The following PHF13 variants were observed in gnomAD, a reference collection of about 807,000 sequenced individuals.
PHF13 encodes the protein PHD finger protein 13.
PHF13 carries 1 observed loss-of-function variant against 25.8 expected under a neutral mutation model. The ratio of observed to expected loss-of-function variants is 0.04; its 90% CI spans 0.01 to 0.18. The LOEUF (loss-of-function observed/expected upper bound fraction) is 0.18, where lower values mean the gene tolerates loss of function less well. PHF13 is among the 10% of genes least tolerant of loss of function. PHF13 has a pLI of 1.00. For synonymous variants in PHF13, 195 were observed against 162.4 expected, an observed-to-expected ratio of 1.20 and a Z score of -1.53; for missense variants, 306 against 403.2, an observed-to-expected ratio of 0.76 and a Z score of 2.06.
Position 6,621,818 on chromosome 1 carries a change from C to T in PHF13, c.*181C>T, listed in dbSNP as rs914419160. Reference sequence around the variant, plus strand: ...ACTGTACATAGCCGGTGACCGAATGCGACCTTTGCCAGCCAGAGCTGCTGC... The same window carrying T: ...ACTGTACATAGCCGGTGACCGAATGTGACCTTTGCCAGCCAGAGCTGCTGC... On this transcript the variant is annotated 3_prime_UTR_variant, in exon 4 of 4. Coordinates refer to ENST00000377648, the MANE Select transcript of PHF13 (RefSeq NM_153812.3). The surrounding 1 kb of genome is among the most constrained non-coding windows in gnomAD (Gnocchi z 4.8). 27 of 653,730 alleles carry T rather than the reference C, an allele frequency of 4.1e-5. No homozygotes were observed. The highest frequency in any genetic ancestry group is 4.2e-4 in the Middle Eastern group (1 of 2,394). The allele number at this position is 653,730 out of a possible 1,614,324, so 40.5% of individuals were successfully genotyped here.
rs1641357640 is a variant in PHF13, at chr1:6,622,728, C to T, written c.*1091C>T. The T allele has an allele frequency of 6.6e-6, 1 of 152,224 alleles. No homozygotes were observed. The highest frequency in any genetic ancestry group is 1.5e-5 in the Non-Finnish European group (1 of 68,088). 9.4% of individuals were successfully genotyped at this position (152,224 alleles called of 1,614,324 possible). A position where few individuals can be genotyped will look rare whatever the true frequency, so the allele number is the denominator to read the frequency against. On this transcript the variant is annotated 3_prime_UTR_variant, in exon 4 of 4. Transcript: ENST00000377648. ...AGTTGGTGAGTGAGTGATAGGGTAA[C>T]ATGGGCCTTCAGGATGACCCCTTGG...
rs550051401 is a variant in PHF13, at chr1:6,621,958, T to G, written c.*321T>G. ...GCGTTTTGCTATCATTGCTAAGAGA[T>G]TCCCGCTGATTGGGCTCAGTGCCAG... is the stretch of plus-strand genomic sequence containing the variant. On this transcript the variant is annotated 3_prime_UTR_variant, in exon 4 of 4. Coordinates refer to ENST00000377648, the MANE Select transcript of PHF13 (RefSeq NM_153812.3). This position sits in a 1 kb window ranked among gnomAD's most constrained non-coding sequence, Gnocchi z 4.8. The G allele has an allele frequency of 1.1e-4, 43 of 407,338 alleles. No homozygotes were observed. The highest frequency in any genetic ancestry group is 7.1e-4 in the South Asian group (31 of 43,746). The allele number at this position is 407,338 out of a possible 1,614,324, so 25.2% of individuals were successfully genotyped here.
rs1473804618 is a variant in PHF13 at position 6,619,847 on chromosome 1, T to G, written c.186T>G (p.Ala62=). The part of the protein sequence containing the change: ...RSSPSPANST[A]GTIDSDGWDA... Reference sequence around the variant, plus strand: ...GCCCCAGCCCTGCTAACAGCACTGCTGGTACCATTGACAGCGACGGCTGGG... The same window carrying G: ...GCCCCAGCCCTGCTAACAGCACTGCGGGTACCATTGACAGCGACGGCTGGG... The change falls in exon 3 of 4, where the codon GCT becomes GCG. Residue 62 remains alanine, a synonymous_variant. Coordinates refer to ENST00000377648, the MANE Select transcript of PHF13 (RefSeq NM_153812.3). The G allele has an allele frequency of 1.2e-6, 2 of 1,613,458 alleles. No homozygotes were observed. Among genetic ancestry groups the G allele is most frequent in the South Asian group, 2.2e-5 (2 of 91,028 alleles).
intron 1 of PHF13, chr1:6,614,411 C>T (rs1031037657): frequency 1.3e-5 from 5 of 387,666 alleles, no homozygotes; most frequent in Admixed American, 5.1e-5. Context: ...GACCTGGGAC[C>T]TGTCGGCGCC....
chr1:6,623,603 A>G lies in PHF13; in HGVS notation c.*1966A>G, dbSNP rs1023777488. The G allele has an allele frequency of 6.6e-6, 1 of 152,666 alleles. No homozygotes were observed. Among genetic ancestry groups the G allele is most frequent in the South Asian group, 2.1e-4 (1 of 4,836 alleles). 9.5% of individuals were successfully genotyped at this position (152,666 alleles called of 1,614,324 possible). On this transcript the variant is annotated 3_prime_UTR_variant, in exon 4 of 4. Transcript: ENST00000377648. ...CCTGGCAACTGTCACGTGTGCTAGA[A>G]GGTTCGATGCCTCTGGAATGCATGT... is the stretch of plus-strand genomic sequence containing the variant.
intron 1 of PHF13, among the ~76,000 whole-genome samples, chr1:6,614,926 C>A (rs1641236300): frequency 6.6e-6 from 1 of 150,728 alleles, no homozygotes; most frequent in Admixed American, 6.6e-5. Flanking sequence ...GGAGGCGGCG[C>A]CGGAGCCCGC....
chr1:6,615,724 C>T (rs946284453), intron 1 of PHF13, among the ~76,000 whole-genome samples: 1 of 152,216 alleles, frequency 6.6e-6, no homozygotes, highest in African/African-American at 2.4e-5. Flanking sequence ...CTCCATCTCT[C>T]CGTGCTTCTC....
In PHF13 at chr1:6,621,326, A is replaced by C. The variant is rs1557447527; in HGVS notation, c.677-85A>C. The C allele has an allele frequency of 1.9e-5, 27 of 1,404,572 alleles. No individual in the cohort carries two copies. Among genetic ancestry groups the C allele is most frequent in the Non-Finnish European group, 2.7e-5 (27 of 1,006,110 alleles). The allele number at this position is 1,404,572 out of a possible 1,614,324, so 87.0% of individuals were successfully genotyped here. A position where few individuals can be genotyped will look rare whatever the true frequency, so the allele number is the denominator to read the frequency against. The stretch of plus-strand genomic sequence containing the variant: ...CAGTTGGAAGTGTTCTCGTCAGTAG[A>C]GTTAATGGGTTTCATGGAAGCCCAG... On this transcript the variant is annotated intron_variant, in intron 3 of 3. Coordinates refer to ENST00000377648, the MANE Select transcript of PHF13 (RefSeq NM_153812.3). This position sits in a 1 kb window ranked among gnomAD's most constrained non-coding sequence, Gnocchi z 4.8.
Position 6,618,076 on chromosome 1 carries a change from C to T in PHF13, c.141+1218C>T, listed in dbSNP as rs556169833. ...AGAACAGGGCAGGACTGGAGGAGAGCGGCTGTGGTGCTCAGACTTCAGGCC... is the reference window on the plus strand; with the variant it reads ...AGAACAGGGCAGGACTGGAGGAGAGTGGCTGTGGTGCTCAGACTTCAGGCC... On this transcript the variant is annotated intron_variant, in intron 2 of 3. Coordinates refer to ENST00000377648, the MANE Select transcript of PHF13 (RefSeq NM_153812.3). Among the ~76,000 whole-genome samples, 8 of 151,792 alleles carry T rather than the reference C, an allele frequency of 5.3e-5. No individual in the cohort carries two copies. The South Asian group carries it at 1.3e-3, about 24-fold the overall frequency.
Position 6,613,811 on chromosome 1 carries a change from G to GC in PHF13, c.-251dup. On this transcript the variant is annotated 5_prime_UTR_variant, in exon 1 of 4. Coordinates refer to ENST00000377648, the MANE Select transcript of PHF13 (RefSeq NM_153812.3). ...GTTCCCGCTCACCGCCGCCGCCGCC[G>GC]CCCCCTGCAGCCACTCTCCCGCCTC... The GC allele has an allele frequency of 5.8e-6, 1 of 173,728 alleles. No individual in the cohort carries two copies. Among genetic ancestry groups the GC allele is most frequent in the Non-Finnish European group, 1.2e-5 (1 of 86,446 alleles). The allele number at this position is 173,728 out of a possible 1,614,324, so 10.8% of individuals were successfully genotyped here. A position where few individuals can be genotyped will look rare whatever the true frequency, so the allele number is the denominator to read the frequency against.
chr1:6,616,025 A>ATTTTTTTTT (rs5772244), intron 1 of PHF13, among the ~76,000 whole-genome samples: 5 of 91,770 alleles, frequency 5.4e-5, no homozygotes, highest in South Asian at 4.5e-4. Flanking sequence ...TGAGTGGTTG[A>ATTTTTTTTT]TTTTTTTTTT....
At chr1:6,616,310 A>G (rs1191124554) in intron 1 of PHF13, among the ~76,000 whole-genome samples, 1 of 151,980 alleles carries the variant, frequency 6.6e-6, no homozygotes, top group East Asian at 1.9e-4. Flanking sequence ...TACAGACGAG[A>G]GCCACCGCGC....
chr1:6,614,350 G>A (rs1269527765), intron 1 of PHF13: 1 of 494,392 alleles, frequency 2.0e-6, no homozygotes, highest in African/African-American at 2.1e-5. Context: ...TTTCCCCAGG[G>A]CCGTTGCGCC....
At chr1:6,614,131 G>A (rs750007312) in intron 1 of PHF13, 26 bp downstream of exon 1, 3 of 1,591,468 alleles carry the variant, frequency 1.9e-6, no homozygotes, top group Non-Finnish European at 2.6e-6. Flanking sequence ...CGTCCGAATC[G>A]CCCCCGACCA....
chr1:6,622,262 T>C lies in PHF13; in HGVS notation c.*625T>C, dbSNP rs1021490569. On this transcript the variant is annotated 3_prime_UTR_variant, in exon 4 of 4. Coordinates refer to ENST00000377648, the MANE Select transcript of PHF13 (RefSeq NM_153812.3). ...TGGTTCTTAGGTTTCCTTCTGTTTG[T>C]TAAAAGGGACAATGTGGCCACTTCT... 4 of 158,886 alleles carry C rather than the reference T, an allele frequency of 2.5e-5. No homozygotes were observed. The highest frequency in any genetic ancestry group is 4.2e-5 in the Non-Finnish European group (3 of 71,244). 9.8% of individuals were successfully genotyped at this position (158,886 alleles called of 1,614,324 possible).
rs868262385 is a variant in PHF13, at chr1:6,622,452, C to T, written c.*815C>T. 6.6e-6 allele frequency: 1 copy of T among 152,460 alleles called. No individual in the cohort carries two copies. The highest frequency in any genetic ancestry group is 1.5e-5 in the Non-Finnish European group (1 of 68,096). 9.4% of individuals were successfully genotyped at this position (152,460 alleles called of 1,614,324 possible). A position where few individuals can be genotyped will look rare whatever the true frequency, so the allele number is the denominator to read the frequency against. On this transcript the variant is annotated 3_prime_UTR_variant, in exon 4 of 4. Transcript: ENST00000377648. ...AGTTGGTGTGTGAGGTCTTGGTGGG[C>T]TCAGGCCAGCTGTTTGCGAGTGTGG... is the stretch of plus-strand genomic sequence containing the variant.
chr1:6,614,252 C>A, intron 1 of PHF13, 147 bp downstream of exon 1: 1 of 633,742 alleles, frequency 1.6e-6, no homozygotes, highest in Non-Finnish European at 2.7e-6. Context: ...GCCCAACCCC[C>A]GCCCCCTGCT....
chr1:6,614,373 C>T (rs955737612), intron 1 of PHF13: 16 of 460,750 alleles, frequency 3.5e-5, no homozygotes, highest in Non-Finnish European at 5.4e-5. Flanking sequence ...TTTCTCTCCC[C>T]CGGGCCGCCC....
intron 2 of PHF13, 59 bp downstream of exon 2, chr1:6,616,917 C>T (rs915098047): frequency 3.7e-5 from 55 of 1,471,678 alleles, no homozygotes; most frequent in South Asian, 9.1e-5. Context: ...GTGCCTCCAC[C>T]GCAAGTTCGT....
Sources: gnomAD v4.1 joint callset for allele counts (sites outside exome capture counted in the v4.1 genomes callset) on GRCh38, gnomAD v4.1.1 for gene constraint, Gnocchi (gnomAD v3.1) non-coding constraint, MANE v1.5 for transcripts, NCBI Gene and HGNC (gene_info 2026-07-23, HGNC 2026-07-21) for gene names.